The following PVT1 variants were observed in gnomAD, a reference collection of about 807,000 sequenced individuals.
The protein encoded by PVT1 is Pvt1 oncogene.
intron 4 of PVT1, among the ~76,000 whole-genome samples, chr8:128,034,353 A>G (rs1021655148): frequency 1.3e-5 from 2 of 152,124 alleles, no homozygotes; most frequent in Non-Finnish European, 2.9e-5. Flanking sequence ...ATCCTTCTGG[A>G]TCTGGGGGAA....
intron 5 of PVT1, among the ~76,000 whole-genome samples, chr8:128,089,259 G>A (rs1304238730): frequency 6.6e-6 from 1 of 152,182 alleles, no homozygotes; most frequent in East Asian, 1.9e-4. Context: ...AGATCAAGGT[G>A]CTGACAGATT....
chr8:127,921,863 T>TG (rs1563640098), intron 3 of PVT1, among the ~76,000 whole-genome samples: 1 of 121,812 alleles, frequency 8.2e-6, no homozygotes, highest in Non-Finnish European at 1.8e-5. Context: ...TGTTTTTTTT[T>TG]TTTTTTTTTT....
At chr8:128,037,936 AG>A (rs1813484925) in intron 4 of PVT1, among the ~76,000 whole-genome samples, 1 of 152,190 alleles carries the variant, frequency 6.6e-6, no homozygotes, top group African/African-American at 2.4e-5. Flanking sequence ...CTTCCCTGTG[AG>A]GGAGTTTATC....
intron 2 of PVT1, among the ~76,000 whole-genome samples, chr8:127,808,283 G>A (rs142141962): frequency 2.0e-3 from 308 of 151,918 alleles, no homozygotes; most frequent in African/African-American, 7.2e-3. Context: ...CCTGACCTCT[G>A]GTGATCTACC....
intron 2 of PVT1, among the ~76,000 whole-genome samples, chr8:127,832,486 A>G (rs1292516570): frequency 6.6e-6 from 1 of 152,232 alleles, no homozygotes; most frequent in Non-Finnish European, 1.5e-5. Context: ...TGGTTTTGTG[A>G]CTGATTTAGC....
chr8:128,048,179 CA>C (rs1444442406), intron 4 of PVT1, among the ~76,000 whole-genome samples: 2 of 152,248 alleles, frequency 1.3e-5, no homozygotes, highest in African/African-American at 4.8e-5. Context: ...TCCATGAAGG[CA>C]GGTCCTAGCC....
intron 4 of PVT1, among the ~76,000 whole-genome samples, chr8:128,047,595 G>T (rs888868176): frequency 6.6e-6 from 1 of 152,208 alleles, no homozygotes; most frequent in Non-Finnish European, 1.5e-5. Flanking sequence ...AACACTGGGC[G>T]AATCCTAAGA....
Position 128,012,565 on chromosome 8 carries a change from C to T in PVT1, n.912+23274C>T, listed in dbSNP as rs118173927. ...CCCTCTTCAAATGAATGTGAGCCAA[C>T]GTTGGCCCTGTTGGGTGTGCAAGGA... On this transcript the variant is annotated intron_variant and non_coding_transcript_variant, in intron 4 of 10. Coordinates refer to ENST00000651587, the Ensembl canonical transcript of PVT1. Among the ~76,000 whole-genome samples, 29 of 152,292 alleles carry T rather than the reference C, an allele frequency of 1.9e-4. No homozygotes were observed. The East Asian group carries it at 4.2e-3, about 22-fold the overall frequency.
At chr8:128,097,341 GAC>G (rs1314855032) in intron 6 of PVT1, among the ~76,000 whole-genome samples, 18 of 152,102 alleles carry the variant, frequency 1.2e-4, no homozygotes, top group Non-Finnish European at 2.4e-4. Flanking sequence ...CAGCCTGGGC[GAC>G]AGAGTGAGAC....
intron 2 of PVT1, among the ~76,000 whole-genome samples, chr8:127,852,983 A>T (rs1815120062): frequency 6.6e-6 from 1 of 152,118 alleles, no homozygotes; most frequent in South Asian, 2.1e-4. Context: ...TTGCTGAGAG[A>T]ACAGACAAGG....
At chr8:127,993,786 T>C (rs1394367011) in intron 4 of PVT1, among the ~76,000 whole-genome samples, 1 of 151,598 alleles carries the variant, frequency 6.6e-6, no homozygotes, top group African/African-American at 2.4e-5. Context: ...CCCAGGACTT[T>C]ACAGTTTATA....
At chr8:127,802,809 G>A (rs980461047) in intron 2 of PVT1, among the ~76,000 whole-genome samples, 1 of 152,178 alleles carries the variant, frequency 6.6e-6, no homozygotes, top group Non-Finnish European at 1.5e-5. Flanking sequence ...GAGGCACACT[G>A]CAGATGTAAC....
At position 127,934,691 on chromosome 8, in the gene PVT1, T is replaced by C. The variant is rs149413174; in HGVS notation, n.782+43693T>C. 1.3e-4 allele frequency among the ~76,000 whole-genome samples: 20 copies of C among 151,764 alleles called. No homozygotes were observed. The East Asian group carries it at 3.9e-3, about 29-fold the overall frequency. ...TTTACATGTTCCCTTCATAGATTTCTAACAGGATGAAGACTTTGTTCCTTG... is the reference window on the plus strand; with the variant it reads ...TTTACATGTTCCCTTCATAGATTTCCAACAGGATGAAGACTTTGTTCCTTG... On this transcript the variant is annotated intron_variant and non_coding_transcript_variant, in intron 3 of 10. Coordinates refer to ENST00000651587, the Ensembl canonical transcript of PVT1.
At position 128,039,393 on chromosome 8, in the gene PVT1, T is replaced by C. The variant is rs76361315; in HGVS notation, n.913-30767T>C. ...TTCTACCCTGTGCCCACCTCTCCTC[T>C]AGTTAACACCTTTCAGTGTTCCCTC... On this transcript the variant is annotated intron_variant and non_coding_transcript_variant, in intron 4 of 10. Coordinates refer to ENST00000651587, the Ensembl canonical transcript of PVT1. Among the ~76,000 whole-genome samples the C allele has an allele frequency of 3.8e-3, 573 of 152,348 alleles. 5 individuals carry two copies. The highest frequency in any genetic ancestry group is 0.013 in the African/African-American group (554 of 41,584).
chr8:128,026,990 T>C (rs570140545), intron 4 of PVT1, among the ~76,000 whole-genome samples: 2 of 152,280 alleles, frequency 1.3e-5, no homozygotes, highest in East Asian at 3.9e-4. Context: ...CCTTCCTCGA[T>C]CTTCTTGAGT....
At chr8:127,910,887 G>T (rs574828990) in intron 3 of PVT1, among the ~76,000 whole-genome samples, 2 of 133,762 alleles carry the variant, frequency 1.5e-5, no homozygotes, top group African/African-American at 3.5e-5. Flanking sequence ...CTGTGTGTGT[G>T]TGTGTTTGTG....
At chr8:128,026,620 A>T (rs1813292908) in intron 4 of PVT1, among the ~76,000 whole-genome samples, 1 of 152,130 alleles carries the variant, frequency 6.6e-6, no homozygotes, top group South Asian at 2.1e-4. Flanking sequence ...CAGCTGCACC[A>T]GGGCAGGCTG....
intron 5 of PVT1, among the ~76,000 whole-genome samples, chr8:128,078,635 C>T (rs1346739573): frequency 2.0e-5 from 3 of 152,028 alleles, no homozygotes; most frequent in Non-Finnish European, 2.9e-5. Flanking sequence ...CTGTAGGAAT[C>T]GTAGACTATA....
intron 4 of PVT1, among the ~76,000 whole-genome samples, chr8:128,061,191 G>A (rs563951744): frequency 6.6e-6 from 1 of 152,210 alleles, no homozygotes; most frequent in South Asian, 2.1e-4. Context: ...TTACAGACGT[G>A]AGCCACCATG....
Sources: gnomAD v4.1 joint callset for allele counts (sites outside exome capture counted in the v4.1 genomes callset) on GRCh38, gnomAD v4.1.1 for gene constraint, MANE v1.5 for transcripts, NCBI Gene and HGNC (gene_info 2026-07-23, HGNC 2026-07-21) for gene names.